Variants in TNRC6C observed in about 807,000 individuals in gnomAD.
The protein encoded by TNRC6C is trinucleotide repeat-containing gene 6C protein.
Under a neutral mutation model 153.7 loss-of-function variants are expected in TNRC6C, and 20 were observed. That is an observed-to-expected ratio of 0.13 (90% CI 0.09 to 0.19). The LOEUF is 0.19. Among genes scored for constraint, TNRC6C ranks in the 10% least tolerant of loss-of-function variants. TNRC6C has a pLI of 1.00. For missense variants in TNRC6C, 1,987 were observed against 2,172.0 expected (o/e 0.91, Z 1.69); for synonymous variants, 811 against 841.4 (o/e 0.96, Z 0.63).
chr17:78,092,981 T>A, exon 15 of TNRC6C: 1 of 1,613,898 alleles, frequency 6.2e-7, no homozygotes, highest in African/African-American at 1.3e-5. Flanking sequence ...AAGTCCTCCA[T>A]TGATGACTCC....
chr17:77,981,106 G>C (rs1273170779), intron 1 of TNRC6C, among the ~76,000 whole-genome samples: 1 of 152,114 alleles, frequency 6.6e-6, no homozygotes, highest in Non-Finnish European at 1.5e-5. Flanking sequence ...CTCCTGAGTA[G>C]CTGGGACTCC....
At position 78,079,625 on chromosome 17, in the gene TNRC6C, A is replaced by G. The variant is rs1255449556; in HGVS notation, c.3357+84A>G. ...GGTCCTGTGTTATCTGGAAGTCACT[A>G]TTTTAAAGTGAGAGCGGAGTTAATC... On this transcript the variant is annotated intron_variant, in intron 10 of 19. Coordinates refer to ENST00000301624, the Ensembl canonical transcript of TNRC6C. This position sits in a 1 kb window ranked among gnomAD's most constrained non-coding sequence, Gnocchi z 4.3. 1.1e-5 allele frequency: 17 copies of G among 1,515,100 alleles called. No individual in the cohort carries two copies. In the Admixed American group the frequency reaches 2.1e-4, roughly 19 times the overall value. 93.9% of individuals were successfully genotyped at this position (1,515,100 alleles called of 1,614,324 possible).
chr17:78,015,949 A>G (rs1261679619), intron 1 of TNRC6C, among the ~76,000 whole-genome samples: 7 of 152,110 alleles, frequency 4.6e-5, no homozygotes, highest in African/African-American at 1.4e-4. Flanking sequence ...AAAAAAGTCT[A>G]TATGCTCTTA....
At position 78,104,831 on chromosome 17, in the gene TNRC6C, G is replaced by T. The variant is rs757001130; in HGVS notation, c.5059G>T (p.Gly1687Trp). 1 of 1,436,768 alleles carries T rather than the reference G, an allele frequency of 7.0e-7. No individual in the cohort carries two copies. The highest frequency in any genetic ancestry group is 2.7e-5 in the East Asian group (1 of 37,248). 89.0% of individuals were successfully genotyped at this position (1,436,768 alleles called of 1,614,324 possible). ...CCTGCTGCCTGGGGACCTGCTCAGC[G>T]GGGAGTCCCTGTAGGCTCTGCCATC... The change falls in exon 20 of 20, where the codon GGG (glycine) becomes TGG (tryptophan). Residue 1687 changes from glycine to tryptophan, a missense_variant. Around this residue, in one of 4 missense-constraint regions of TNRC6C, gnomAD observed 139 missense variants for 148.5 expected, o/e 0.94. Coordinates refer to ENST00000301624, the Ensembl canonical transcript of TNRC6C. The surrounding 1 kb of genome is among the most constrained non-coding windows in gnomAD (Gnocchi z 6.2).
chr17:78,029,377 G>A (rs1481875495), intron 1 of TNRC6C, among the ~76,000 whole-genome samples: 1 of 152,230 alleles, frequency 6.6e-6, no homozygotes, highest in Admixed American at 6.5e-5. Flanking sequence ...TCTACAGCAT[G>A]TTACTATACT....
At chr17:78,074,481 G>A (rs528454451) in intron 7 of TNRC6C, among the ~76,000 whole-genome samples, 1 of 152,368 alleles carries the variant, frequency 6.6e-6, no homozygotes, top group African/African-American at 2.4e-5. Flanking sequence ...CAAACTGCCA[G>A]GGCGGGACAG....
intron 5 of TNRC6C, among the ~76,000 whole-genome samples, chr17:78,069,184 A>G (rs1230330108): frequency 1.3e-5 from 2 of 151,998 alleles, no homozygotes; most frequent in African/African-American, 4.8e-5. Flanking sequence ...CAATCCCCTG[A>G]TACATAAAGT....
At chr17:77,979,598 G>C (rs1406603630) in intron 1 of TNRC6C, among the ~76,000 whole-genome samples, 1 of 152,100 alleles carries the variant, frequency 6.6e-6, no homozygotes, top group Non-Finnish European at 1.5e-5. Flanking sequence ...ATGGGACACT[G>C]TTAAAAGTCT....
chr17:78,044,810 G>T (rs1215229025), intron 2 of TNRC6C, among the ~76,000 whole-genome samples: 4 of 152,190 alleles, frequency 2.6e-5, no homozygotes, highest in Admixed American at 1.3e-4. Context: ...TACAGAAATT[G>T]TTTGCCACCC....
chr17:78,077,609 G>A (rs1170013003), intron 9 of TNRC6C: 4 of 492,536 alleles, frequency 8.1e-6, no homozygotes, highest in Non-Finnish European at 1.5e-5. Context: ...TGGCTAAAGT[G>A]ATGATGTGTT....
chr17:78,044,281 A>C (rs2072361931), intron 2 of TNRC6C, among the ~76,000 whole-genome samples: 1 of 152,218 alleles, frequency 6.6e-6, no homozygotes, highest in Non-Finnish European at 1.5e-5. Context: ...GCTTAATCTT[A>C]ACTTTACCTT....
chr17:78,093,046 G>T, exon 15 of TNRC6C: 1 of 1,613,798 alleles, frequency 6.2e-7, no homozygotes, highest in African/African-American at 1.3e-5. Flanking sequence ...TCCTCCCGTA[G>T]CTGTTCCCCA....
chr17:77,965,522 C>T (rs1338825275), intron 1 of TNRC6C, among the ~76,000 whole-genome samples: 1 of 152,208 alleles, frequency 6.6e-6, no homozygotes, highest in African/African-American at 2.4e-5. Flanking sequence ...TTTATCATTC[C>T]GCTGTGCTGC....
chr17:77,974,482 G>A (rs1415185928), intron 1 of TNRC6C, among the ~76,000 whole-genome samples: 3 of 135,644 alleles, frequency 2.2e-5, no homozygotes, highest in African/African-American at 5.4e-5. Flanking sequence ...TACCACCCCC[G>A]CCCCGCCCCA....
In TNRC6C at chr17:77,992,424, G is replaced by T. The variant is rs1305603635; in HGVS notation, c.-37-11746G>T. 3.5e-5 allele frequency among the ~76,000 whole-genome samples: 2 copies of T among 57,296 alleles called. 1 individual carries two copies. The highest frequency in any genetic ancestry group is 1.3e-3 in the South Asian group (2 of 1,570). 37.6% of individuals were successfully genotyped at this position (57,296 alleles called of 152,430 possible). A position where few individuals can be genotyped will look rare whatever the true frequency, so the allele number is the denominator to read the frequency against. ...GAGGCAGGAGAATGGCGTGAACCCG[G>T]GAGGCGGAGCTTGCAGTGAGTCGAG... On this transcript the variant is annotated intron_variant, in intron 1 of 22. Coordinates refer to the TNRC6C transcript ENST00000636222.
intron 2 of TNRC6C, among the ~76,000 whole-genome samples, chr17:78,034,019 C>T (rs989124398): frequency 3.9e-5 from 6 of 152,146 alleles, no homozygotes; most frequent in African/African-American, 1.4e-4. Flanking sequence ...AGCCGAGTCT[C>T]CCCAACATTT....
intron 17 of TNRC6C, among the ~76,000 whole-genome samples, chr17:78,098,799 T>G (rs563455855): frequency 6.6e-6 from 1 of 152,222 alleles, no homozygotes; most frequent in Non-Finnish European, 1.5e-5. Flanking sequence ...CCAGCACCCA[T>G]TGAGGGCCCA....
exon 3 of TNRC6C, chr17:78,048,935 A>T: frequency 7.8e-7 from 1 of 1,288,130 alleles, no homozygotes; most frequent in Non-Finnish European, 9.8e-7. Flanking sequence ...TGCAGCTGGG[A>T]TAAAGTGATA....
At chr17:77,990,166 T>A (rs2071228264) in intron 1 of TNRC6C, among the ~76,000 whole-genome samples, 1 of 152,190 alleles carries the variant, frequency 6.6e-6, no homozygotes, top group Non-Finnish European at 1.5e-5. Flanking sequence ...CATTTTGTCT[T>A]CTGAATGGTG....
Sources: allele counts gnomAD v4.1 joint callset (sites outside exome capture counted in the v4.1 genomes callset), GRCh38; gene constraint gnomAD v4.1.1; regional missense constraint gnomAD v4.1.1; non-coding constraint Gnocchi (gnomAD v3.1); transcripts MANE v1.5; gene names NCBI Gene and HGNC (gene_info 2026-07-23, HGNC 2026-07-21).